The following DLGAP2 variants were observed in gnomAD, a reference collection of about 807,000 sequenced individuals.
DLGAP2 encodes the protein DLG associated protein 2, also known as disks large-associated protein 2.
Under a neutral mutation model 100.3 loss-of-function variants are expected in DLGAP2, and 26 were observed. The observed-to-expected ratio is 0.26, with a 90% CI of 0.19 to 0.36. The LOEUF (loss-of-function observed/expected upper bound fraction) is 0.36, where lower values mean the gene tolerates loss of function less well. DLGAP2 is among the 10% of genes least tolerant of loss of function. The probability of loss-of-function intolerance (pLI) is 1.00; values close to 1 mark genes in which losing one functional copy is unlikely to be tolerated. For missense variants in DLGAP2, 1,858 were observed against 1,453.2 expected, an observed-to-expected ratio of 1.28 and a Z score of -4.53; for synonymous variants, 886 against 630.1, an observed-to-expected ratio of 1.41 and a Z score of -6.08.
chr8:1,452,352 G>A (rs1483033666), intron 3 of DLGAP2, among the ~76,000 whole-genome samples: 1 of 152,260 alleles, frequency 6.6e-6, no homozygotes, highest in African/African-American at 2.4e-5. Flanking sequence ...AGGTGACTGT[G>A]GGAACAGCAC....
At chr8:1,176,672 G>A (rs868626158) in intron 2 of DLGAP2, among the ~76,000 whole-genome samples, 11 of 152,298 alleles carry the variant, frequency 7.2e-5, no homozygotes, top group Admixed American at 1.3e-4. Flanking sequence ...GGAAGGTGAA[G>A]GTCACCAGGG....
intron 3 of DLGAP2, among the ~76,000 whole-genome samples, chr8:1,420,728 C>G (rs1022545069): frequency 2.0e-5 from 3 of 152,148 alleles, no homozygotes; most frequent in African/African-American, 4.8e-5. Context: ...CCAAATCTAT[C>G]ACATAACTCA....
intron 2 of DLGAP2, among the ~76,000 whole-genome samples, chr8:1,060,053 C>G (rs954893706): frequency 6.6e-6 from 1 of 152,290 alleles, no homozygotes; most frequent in East Asian, 1.9e-4. Context: ...ATCTCAGGAC[C>G]TGAGTCTGGG....
chr8:886,565 G>A (rs943919589), intron 1 of DLGAP2, among the ~76,000 whole-genome samples: 4 of 152,062 alleles, frequency 2.6e-5, no homozygotes, highest in African/African-American at 4.8e-5. Context: ...ATTCTGATAC[G>A]TTGTCTCTTT....
intron 3 of DLGAP2, among the ~76,000 whole-genome samples, chr8:1,486,447 C>T (rs892314849): frequency 6.6e-6 from 1 of 152,136 alleles, no homozygotes; most frequent in Admixed American, 6.5e-5. Flanking sequence ...GTGGCACGTG[C>T]GAAGCCTGTC....
At chr8:1,003,765 C>T (rs541300945) in intron 2 of DLGAP2, among the ~76,000 whole-genome samples, 3 of 152,166 alleles carry the variant, frequency 2.0e-5, no homozygotes, top group South Asian at 2.1e-4. Context: ...TCTCATGAGA[C>T]CTGTCCAGCA....
At chr8:1,085,584 G>T (rs772776159) in intron 2 of DLGAP2, among the ~76,000 whole-genome samples, 9 of 152,220 alleles carry the variant, frequency 5.9e-5, no homozygotes, top group Non-Finnish European at 1.2e-4. Flanking sequence ...CTGTGCATGT[G>T]TGGGTTCGTT....
At chr8:763,258 T>G (rs1384710931) in intron 1 of DLGAP2, among the ~76,000 whole-genome samples, 1 of 152,218 alleles carries the variant, frequency 6.6e-6, no homozygotes, top group East Asian at 1.9e-4. Context: ...CTTCGCGTGC[T>G]ACTGCTGTAT....
At chr8:1,699,815 A>C (rs1799517423) in intron 14 of DLGAP2, among the ~76,000 whole-genome samples, 1 of 152,160 alleles carries the variant, frequency 6.6e-6, no homozygotes, top group Non-Finnish European at 1.5e-5. Flanking sequence ...CCACACCCAC[A>C]GGCCTGGAAG....
intron 2 of DLGAP2, among the ~76,000 whole-genome samples, chr8:1,091,013 T>A (rs1804162342): frequency 6.6e-6 from 1 of 152,172 alleles, no homozygotes; most frequent in Non-Finnish European, 1.5e-5. Flanking sequence ...AACTTCAGCT[T>A]GAGGGACGTG....
intron 13 of DLGAP2, among the ~76,000 whole-genome samples, chr8:1,696,686 G>A (rs994243755): frequency 6.6e-6 from 1 of 152,284 alleles, no homozygotes; most frequent in South Asian, 2.1e-4. Flanking sequence ...CATTTGTAAG[G>A]TGTCATCACC....
At chr8:1,271,154 A>T (rs1414098524) in intron 3 of DLGAP2, among the ~76,000 whole-genome samples, 1 of 152,152 alleles carries the variant, frequency 6.6e-6, no homozygotes, top group African/African-American at 2.4e-5. Flanking sequence ...TCATAAACCC[A>T]CAAAAAAGAA....
chr8:948,682 G>A (rs1424516437), intron 2 of DLGAP2, among the ~76,000 whole-genome samples: 1 of 152,242 alleles, frequency 6.6e-6, no homozygotes, highest in Non-Finnish European at 1.5e-5. Context: ...GGCGCTGCCC[G>A]GCCCCACGTC....
intron 3 of DLGAP2, among the ~76,000 whole-genome samples, chr8:1,357,296 C>G (rs1400157091): frequency 3.3e-5 from 5 of 152,046 alleles, no homozygotes; most frequent in African/African-American, 1.2e-4. Context: ...GCTTCTCTGG[C>G]TGATGCCACA....
rs1224718769 is a variant in DLGAP2 at position 1,548,482 on chromosome 8, A to T, written c.173-144A>T. 7.3e-6 allele frequency: 4 copies of T among 549,768 alleles called. No homozygotes were observed. The African/African-American group carries it at 7.9e-5, about 11-fold the overall frequency. The allele number at this position is 549,768 out of a possible 1,614,324, so 34.1% of individuals were successfully genotyped here. ...AGAAAAAAAAAAAAAAAAAAAAAAA[A>T]AACCCACAAATCTGCCCTCTCGAGT... On this transcript the variant is annotated intron_variant, in intron 4 of 14. Coordinates refer to ENST00000637795, the MANE Select transcript of DLGAP2 (RefSeq NM_001346810.2).
At position 1,285,322 on chromosome 8, in the gene DLGAP2, AT is replaced by A. The variant is rs796622578; in HGVS notation, c.106+26446del. Among the ~76,000 whole-genome samples the A allele has an allele frequency of 2.0e-5, 3 of 152,276 alleles. No individual in the cohort carries two copies. The East Asian group carries it at 5.8e-4, about 29-fold the overall frequency. On this transcript the variant is annotated intron_variant, in intron 3 of 14. Coordinates refer to ENST00000637795, the MANE Select transcript of DLGAP2 (RefSeq NM_001346810.2). ...AAAAAATAAAACAGTGCATACATTT[AT>A]TTTTTTAATAATGTCTTTTGATTTA...
intron 1 of DLGAP2, among the ~76,000 whole-genome samples, chr8:796,675 T>G (rs1796042995): frequency 6.6e-6 from 1 of 152,170 alleles, no homozygotes; most frequent in Admixed American, 6.5e-5. Flanking sequence ...CTGTGCTGCT[T>G]CCCTATTTAA....
intron 2 of DLGAP2, among the ~76,000 whole-genome samples, chr8:1,188,519 T>C (rs1797565036): frequency 6.7e-6 from 1 of 149,530 alleles, no homozygotes; most frequent in Non-Finnish European, 1.5e-5. Flanking sequence ...GCCCGGGACC[T>C]CTGTGACGTT....
chr8:1,013,455 A>T (rs1801355265), intron 2 of DLGAP2, among the ~76,000 whole-genome samples: 1 of 152,142 alleles, frequency 6.6e-6, no homozygotes, highest in East Asian at 1.9e-4. Context: ...AGGAATCGGA[A>T]TAGGAGGCAG....
Sources: gnomAD v4.1 joint callset for allele counts (sites outside exome capture counted in the v4.1 genomes callset) on GRCh38, gnomAD v4.1.1 for gene constraint, MANE v1.5 for transcripts, NCBI Gene and HGNC (gene_info 2026-07-23, HGNC 2026-07-21) for gene names.